CTSS: variants seen among roughly 807,000 people sequenced by gnomAD.
CTSS encodes cathepsin S.
Under a neutral mutation model 39.9 loss-of-function variants are expected in CTSS, and 15 were observed. The ratio of observed to expected loss-of-function variants is 0.38; its 90% CI spans 0.25 to 0.58. CTSS has a LOEUF of 0.58. Among genes scored for constraint, CTSS ranks in the 20% least tolerant of loss-of-function variants. The pLI, the probability that CTSS is intolerant of heterozygous loss-of-function variation, is 0.70. For missense variants in CTSS, 250 were observed against 398.2 expected, an observed-to-expected ratio of 0.63 and a Z score of 3.17; for synonymous variants, 126 against 138.2, an observed-to-expected ratio of 0.91 and a Z score of 0.62.
At position 150,731,615 on chromosome 1, in the gene CTSS, G is replaced by T. The variant is rs1652523212; in HGVS notation, c.*1431C>A. The T allele has an allele frequency of 6.6e-6, 1 of 152,150 alleles. No individual in the cohort carries two copies. The highest frequency in any genetic ancestry group is 1.5e-5 in the Non-Finnish European group (1 of 68,024). The allele number at this position is 152,150 out of a possible 1,614,324, so 9.4% of individuals were successfully genotyped here. ...TATCCCACACATTGTTCATGTCATA[G>T]ACATGAACTTAAAAAATTTAAAGTT... On this transcript the variant is annotated 3_prime_UTR_variant, in exon 8 of 8. Coordinates refer to ENST00000368985, the MANE Select transcript of CTSS (RefSeq NM_004079.5).
At chr1:150,764,039 C>G (rs934744751) in intron 2 of CTSS, among the ~76,000 whole-genome samples, 1 of 151,998 alleles carries the variant, frequency 6.6e-6, no homozygotes, top group African/African-American at 2.4e-5. Flanking sequence ...CACCACCACC[C>G]AGGGCCCTTC....
intron 2 of CTSS, among the ~76,000 whole-genome samples, chr1:150,763,306 G>A (rs1219788165): frequency 6.6e-6 from 1 of 152,084 alleles, no homozygotes; most frequent in African/African-American, 2.4e-5. Context: ...ACAGGGAAAG[G>A]GGAGATGTTA....
intron 7 of CTSS, among the ~76,000 whole-genome samples, chr1:150,739,537 T>C (rs142274254): frequency 7.9e-5 from 12 of 152,082 alleles, no homozygotes; most frequent in Admixed American, 2.0e-4. Flanking sequence ...AAGCTAAAAA[T>C]ACAGAAATTA....
intron 7 of CTSS, among the ~76,000 whole-genome samples, chr1:150,737,580 A>G (rs1305226859): frequency 2.0e-5 from 3 of 152,154 alleles, no homozygotes; most frequent in Non-Finnish European, 4.4e-5. Context: ...TAAGGCTACT[A>G]ACTTATTATT....
chr1:150,733,799 C>T (rs897310257), intron 7 of CTSS, among the ~76,000 whole-genome samples: 2 of 151,202 alleles, frequency 1.3e-5, no homozygotes, highest in African/African-American at 2.4e-5. Context: ...CCTGATTCTA[C>T]AAAAAAAATT....
At chr1:150,763,205 C>A (rs1653301048) in intron 2 of CTSS, among the ~76,000 whole-genome samples, 1 of 151,854 alleles carries the variant, frequency 6.6e-6, no homozygotes, top group African/African-American at 2.4e-5. Flanking sequence ...ACAAGTACTG[C>A]ATAATCTCAT....
Position 150,764,757 on chromosome 1 carries a change from G to A in CTSS, c.7C>T (p.Arg3Trp), listed in dbSNP as rs146441878. The A allele has an allele frequency of 2.9e-5, 47 of 1,613,872 alleles. No individual in the cohort carries two copies. Among genetic ancestry groups the A allele is most frequent in the Middle Eastern group, 1.6e-4 (1 of 6,062 alleles). The change falls in exon 2 of 8, where the codon CGG (arginine) becomes TGG (tryptophan). Residue 3 changes from arginine (R) to tryptophan (W), a missense_variant. Physicochemically the swap from Arg to Trp is moderately radical, Grantham distance 101. Transcript: ENST00000368985. MK[R>W]LVCVLLVCSS... Reference sequence around the variant, plus strand: ...CACACCAAGAGCACACAAACCAGCCGTTTCATTCTGTGTAAGGAAAGGTAA... The same window carrying A: ...CACACCAAGAGCACACAAACCAGCCATTTCATTCTGTGTAAGGAAAGGTAA...
At chr1:150,733,910 C>T (rs971080436) in intron 7 of CTSS, among the ~76,000 whole-genome samples, 9 of 151,942 alleles carry the variant, frequency 5.9e-5, no homozygotes, top group Non-Finnish European at 1.2e-4. Context: ...AATCATGGGT[C>T]GGATTAGGGT....
Position 150,732,545 on chromosome 1 carries a change from A to C in CTSS, c.*501T>G, listed in dbSNP as rs993435944. 2.0e-5 allele frequency: 3 copies of C among 153,240 alleles called. No homozygotes were observed. Among genetic ancestry groups the C allele is most frequent in the African/African-American group, 7.2e-5 (3 of 41,468 alleles). 9.5% of individuals were successfully genotyped at this position (153,240 alleles called of 1,614,324 possible). On this transcript the variant is annotated 3_prime_UTR_variant, in exon 8 of 8. Coordinates refer to ENST00000368985, the MANE Select transcript of CTSS (RefSeq NM_004079.5). ...CAGTTATATCTATAGTACATTACTA[A>C]TTTACTTAGCAAACTTTATCCTGAG...
At chr1:150,739,722 G>GA (rs140304908) in intron 7 of CTSS, among the ~76,000 whole-genome samples, 58,316 of 151,612 alleles carry the variant, frequency 0.38, 11,540 homozygotes, top group South Asian at 0.54. Context: ...AAAAAGTAAA[G>GA]AAAAAAAGTG....
intron 7 of CTSS, among the ~76,000 whole-genome samples, chr1:150,747,356 C>G (rs917181914): frequency 6.6e-6 from 1 of 152,044 alleles, no homozygotes; most frequent in Non-Finnish European, 1.5e-5. Flanking sequence ...GATGTCAGAA[C>G]TAGAGCTAGA....
Position 150,764,723 on chromosome 1 carries a change from G to C in CTSS, c.41C>G (p.Ala14Gly). ...AGGATCTTTATGCAACTGTGCCACT[G>C]CAGAGGAGCACACCAAGAGCACACA... ...LVCVLLVCSS[A>G]VAQLHKDPTL... Residue 14 changes from alanine to glycine, a missense_variant, in exon 2 of 8, where the codon GCA becomes GGA. Physicochemically the swap from Ala to Gly is moderately conservative, Grantham distance 60. Transcript: ENST00000368985. 1 of 1,614,084 alleles carries C rather than the reference G, an allele frequency of 6.2e-7. No individual in the cohort carries two copies. Among genetic ancestry groups the C allele is most frequent in the Non-Finnish European group, 8.5e-7 (1 of 1,179,978 alleles).
In CTSS at chr1:150,757,946, T is replaced by A; in HGVS notation, c.161A>T (p.Lys54Met). The A allele has an allele frequency of 6.2e-7, 1 of 1,613,912 alleles. No individual in the cohort carries two copies. The highest frequency in any genetic ancestry group is 8.5e-7 in the Non-Finnish European group (1 of 1,179,846). ...GTGAAGCATCACAAACTTTAGATTC[T>A]TTTCCCAGATGAGACGTCGTACTGC... ...EEAVRRLIWE[K>M]NLKFVMLHNL... The change falls in exon 3 of 8, where the codon AAG becomes ATG. Residue 54 changes from lysine (K) to methionine (M), a missense_variant. Lys to Met is a moderately conservative substitution (Grantham distance 95, BLOSUM62 -1). Transcript: ENST00000368985.
At chr1:150,758,104 C>A in intron 2 of CTSS, 124 bp from the exon 3 acceptor site, 1 of 804,904 alleles carries the variant, frequency 1.2e-6, no homozygotes, top group Non-Finnish European at 1.9e-6. Flanking sequence ...AGCTGGAGTC[C>A]AATGGCACGA....
chr1:150,732,883 A>T lies in CTSS; in HGVS notation c.*163T>A. 2.0e-6 allele frequency: 1 copy of T among 507,796 alleles called. No homozygotes were observed. The highest frequency in any genetic ancestry group is 3.4e-6 in the Non-Finnish European group (1 of 290,558). The allele number at this position is 507,796 out of a possible 1,614,324, so 31.5% of individuals were successfully genotyped here. A position where few individuals can be genotyped will look rare whatever the true frequency, so the allele number is the denominator to read the frequency against. On this transcript the variant is annotated 3_prime_UTR_variant, in exon 8 of 8. Transcript: ENST00000368985. Reference sequence around the variant, plus strand: ...CCTTGGCCTCCCAAGTACTGGGATTACAGGCGTGAGCCACCGTGCCCGGCC... The same window carrying T: ...CCTTGGCCTCCCAAGTACTGGGATTTCAGGCGTGAGCCACCGTGCCCGGCC...
At position 150,733,135 on chromosome 1, in the gene CTSS, T is replaced by C. The variant is rs1160105012; in HGVS notation, c.907A>G (p.Asn303Asp). Residue 303 changes from asparagine to aspartate, a missense_variant, in exon 8 of 8, where the codon AAC becomes GAC. Transcript: ENST00000368985. ...YWLVKNSWGH[N>D]FGEEGYIRMA... ...CGAATATATCCTTCTTCACCAAAGT[T>C]GTGGCCCCAGCTTTAGAAAAAGAAA... 6.2e-7 allele frequency: 1 copy of C among 1,611,702 alleles called. No individual in the cohort carries two copies. The highest frequency in any genetic ancestry group is 2.2e-5 in the East Asian group (1 of 44,806).
chr1:150,756,715 T>C (rs1362559881), intron 3 of CTSS, among the ~76,000 whole-genome samples: 2 of 150,878 alleles, frequency 1.3e-5, no homozygotes, highest in Admixed American at 1.3e-4. Flanking sequence ...TTTCTTTTTT[T>C]TTTTTTTTTT....
At chr1:150,749,902 A>C (rs1652975167) in intron 6 of CTSS, 104 bp downstream of exon 6, 4 of 941,096 alleles carry the variant, frequency 4.3e-6, no homozygotes. Flanking sequence ...CAATCCTCCC[A>C]CCTCAGCCTC....
chr1:150,751,740 T>G (rs780363637), intron 5 of CTSS, 41 bp downstream of exon 5: 811 of 1,557,588 alleles, frequency 5.2e-4, no homozygotes, highest in Non-Finnish European at 6.4e-4. Flanking sequence ...GTGGATAACA[T>G]GAGATCATGG....
Sources: gnomAD v4.1 joint callset for allele counts (sites outside exome capture counted in the v4.1 genomes callset) on GRCh38, gnomAD v4.1.1 for gene constraint, MANE v1.5 for transcripts, NCBI Gene and HGNC (gene_info 2026-07-23, HGNC 2026-07-21) for gene names.